Variants in POLN observed in about 807,000 individuals in gnomAD.
POLN encodes DNA polymerase nu, also known as DNA polymerase N.
Under a neutral mutation model 113.5 loss-of-function variants are expected in POLN, and 108 were observed. That is an observed-to-expected ratio of 0.95 (90% CI 0.81 to 1.12). The LOEUF is 1.12. POLN is among the 50% of genes most tolerant of loss of function. The pLI is 0.00. For synonymous variants in POLN, 386 were observed against 391.5 expected, an observed-to-expected ratio of 0.99 and a Z score of 0.17; for missense variants, 1,097 against 1,077.1, an observed-to-expected ratio of 1.02 and a Z score of -0.26.
chr4:2,226,005 A>G (rs993863876), intron 3 of POLN, among the ~76,000 whole-genome samples: 4 of 152,030 alleles, frequency 2.6e-5, no homozygotes, highest in Non-Finnish European at 4.4e-5. Flanking sequence ...AAAAAAAGTA[A>G]GTTTATCTCT....
chr4:2,160,559 A>G (rs1305581217), intron 13 of POLN, among the ~76,000 whole-genome samples: 1 of 151,976 alleles, frequency 6.6e-6, no homozygotes, highest in Non-Finnish European at 1.5e-5. Context: ...AGGTGCACAC[A>G]ACCATGTCTG....
intron 19 of POLN, among the ~76,000 whole-genome samples, chr4:2,097,501 C>T (rs753350474): frequency 1.3e-5 from 2 of 152,150 alleles, no homozygotes; most frequent in Non-Finnish European, 2.9e-5. Context: ...CAGGCACCTG[C>T]CACCATGCCC....
chr4:2,183,317 G>C (rs1182507281), intron 7 of POLN, among the ~76,000 whole-genome samples: 1 of 152,292 alleles, frequency 6.6e-6, no homozygotes, highest in Admixed American at 6.5e-5. Context: ...ACGCAAGCAA[G>C]TTGAAAATAT....
intron 13 of POLN, among the ~76,000 whole-genome samples, chr4:2,167,926 A>G (rs987789853): frequency 2.0e-5 from 3 of 152,184 alleles, no homozygotes; most frequent in African/African-American, 4.8e-5. Flanking sequence ...TTAGAAATCA[A>G]TAACAAAAAC....
chr4:2,073,056 C>T (rs766476887), intron 24 of POLN, 27 bp from the exon 25 acceptor site: 34 of 1,609,988 alleles, frequency 2.1e-5, no homozygotes, highest in Non-Finnish European at 2.9e-5. Context: ...AGAGGAGGCC[C>T]TGCTGGTCTC....
At chr4:2,196,498 A>C (rs1733576619) in intron 6 of POLN, among the ~76,000 whole-genome samples, 1 of 152,162 alleles carries the variant, frequency 6.6e-6, no homozygotes, top group African/African-American at 2.4e-5. Flanking sequence ...GATTAGAAAA[A>C]ACTAGGGACA....
In POLN at chr4:2,241,514, AT is replaced by A; in HGVS notation, c.-13+5del. Reference sequence around the variant, plus strand: ...CACATCTTCTGAAGATCAACTAAATATTTACCTCAACGTCTCGCCGGGCAAG... The same window carrying A: ...CACATCTTCTGAAGATCAACTAAATATTACCTCAACGTCTCGCCGGGCAAG... On this transcript the variant is annotated splice_donor_5th_base_variant and intron_variant, in intron 2 of 25. Transcript: ENST00000511885. 1 of 985,674 alleles carries A rather than the reference AT, an allele frequency of 1.0e-6. No homozygotes were observed. The highest frequency in any genetic ancestry group is 1.2e-6 in the Non-Finnish European group (1 of 830,100). 61.1% of individuals were successfully genotyped at this position (985,674 alleles called of 1,614,324 possible).
At chr4:2,083,870 T>A (rs1308538502) in intron 21 of POLN, among the ~76,000 whole-genome samples, 2 of 152,258 alleles carry the variant, frequency 1.3e-5, no homozygotes, top group Non-Finnish European at 2.9e-5. Context: ...CGAATTAAGC[T>A]GAAACACTTT....
chr4:2,204,860 T>C (rs1298967590), intron 5 of POLN, among the ~76,000 whole-genome samples: 1 of 152,130 alleles, frequency 6.6e-6, no homozygotes, highest in African/African-American at 2.4e-5. Flanking sequence ...CCTCAATAGA[T>C]ACAGAAAAAG....
intron 19 of POLN, among the ~76,000 whole-genome samples, chr4:2,120,273 A>G (rs573564302): frequency 1.8e-4 from 28 of 152,298 alleles, no homozygotes; most frequent in Non-Finnish European, 2.9e-4. Context: ...AAGCTTGTCC[A>G]TGTCTACAAA....
intron 2 of POLN, chr4:2,240,520 C>A: frequency 6.2e-7 from 1 of 1,612,910 alleles, no homozygotes; most frequent in Non-Finnish European, 8.5e-7. Context: ...TTAGTGGCTT[C>A]TTCTTCTTTA....
intron 19 of POLN, among the ~76,000 whole-genome samples, chr4:2,096,169 C>T (rs1398791852): frequency 3.3e-5 from 5 of 152,232 alleles, no homozygotes; most frequent in East Asian, 1.9e-4. Context: ...CACCACCCCA[C>T]GTTCCCAGGT....
intron 16 of POLN, among the ~76,000 whole-genome samples, chr4:2,133,964 T>C (rs1442029346): frequency 6.6e-6 from 1 of 152,164 alleles, no homozygotes; most frequent in Non-Finnish European, 1.5e-5. Flanking sequence ...TACAAAATAG[T>C]TTTACCGCCC....
At chr4:2,234,476 G>C (rs1334762316) in intron 2 of POLN, 3 of 153,562 alleles carry the variant, frequency 2.0e-5, no homozygotes, top group Non-Finnish European at 4.4e-5. Context: ...CTGGGACAAA[G>C]GCACGTTTCC....
intron 24 of POLN, among the ~76,000 whole-genome samples, chr4:2,074,008 G>A (rs1730216290): frequency 1.3e-5 from 2 of 152,246 alleles, no homozygotes; most frequent in South Asian, 4.1e-4. Flanking sequence ...ACCTTCTTAT[G>A]GGGGCGAGGC....
chr4:2,159,257 C>T (rs1325625748), intron 13 of POLN, 46 bp from the exon 14 acceptor site: 2 of 1,418,628 alleles, frequency 1.4e-6, no homozygotes, highest in Non-Finnish European at 9.9e-7. Flanking sequence ...TCCATTTTAA[C>T]ATTTTAAACA....
chr4:2,208,251 T>A lies in POLN; in HGVS notation c.450A>T (p.Gly150=), dbSNP rs1279764225. 1.3e-6 allele frequency: 2 copies of A among 1,585,592 alleles called. No individual in the cohort carries two copies. Among genetic ancestry groups the A allele is most frequent in the Non-Finnish European group, 1.7e-6 (2 of 1,159,854 alleles). The part of the protein sequence containing the change: ...LMENINNENK[G]SINLKRKHIT... ...TATGTTTTCTTTTAAGATTAATGCT[T>A]CCTTTATTTTCATTATTTATATTCT... The change falls in exon 5 of 26, where the codon GGA becomes GGT. Residue 150 remains glycine, a synonymous_variant. Transcript: ENST00000511885.
intron 5 of POLN, 32 bp downstream of exon 5, chr4:2,207,955 G>A: frequency 1.3e-6 from 2 of 1,549,636 alleles, no homozygotes; most frequent in Non-Finnish European, 1.7e-6. Context: ...ATGGTGTCAA[G>A]ACAGCAAATA....
At chr4:2,111,617 T>C (rs1467961205) in intron 19 of POLN, among the ~76,000 whole-genome samples, 6 of 152,086 alleles carry the variant, frequency 3.9e-5, no homozygotes, top group Non-Finnish European at 7.4e-5. Context: ...GAGAGCCAAA[T>C]CATGAGTGAA....
Sources: gnomAD v4.1 joint callset for allele counts (sites outside exome capture counted in the v4.1 genomes callset) on GRCh38, gnomAD v4.1.1 for gene constraint, MANE v1.5 for transcripts, NCBI Gene and HGNC (gene_info 2026-07-23, HGNC 2026-07-21) for gene names.